PLPPR5: variants seen among roughly 807,000 people sequenced by gnomAD.
PLPPR5 encodes the protein phospholipid phosphatase-related protein type 5.
In PLPPR5, 16 loss-of-function variants were observed where a neutral mutation model predicts 33.9. The observed-to-expected ratio is 0.47, with a 90% CI of 0.32 to 0.72. The LOEUF (loss-of-function observed/expected upper bound fraction) is 0.72, where lower values mean the gene tolerates loss of function less well. Ranked by LOEUF, PLPPR5 falls within the 30% of genes least tolerant of loss-of-function variation. The pLI is 0.03. For missense variants in PLPPR5, 301 were observed against 406.7 expected (o/e 0.74, Z 2.23); for synonymous variants, 163 against 150.3 (o/e 1.08, Z -0.62).
intron 1 of PLPPR5, among the ~76,000 whole-genome samples, chr1:98,993,115 G>A (rs577498032): frequency 2.6e-5 from 4 of 152,166 alleles, no homozygotes; most frequent in Admixed American, 6.6e-5. Flanking sequence ...CTCTATATAC[G>A]TCAGCTACTT....
chr1:98,953,654 G>T, intron 2 of PLPPR5, among the ~76,000 whole-genome samples: 1 of 152,024 alleles, frequency 6.6e-6, no homozygotes, highest in Admixed American at 6.6e-5. Context: ...CCTTGAGAGG[G>T]TATAGTCTAT....
intron 5 of PLPPR5, among the ~76,000 whole-genome samples, chr1:98,894,491 G>A (rs763755430): frequency 6.6e-6 from 1 of 152,088 alleles, no homozygotes; most frequent in Non-Finnish European, 1.5e-5. Context: ...GATATAGAGT[G>A]TTTCAGCACA....
chr1:98,939,668 C>T (rs1570716028), intron 3 of PLPPR5, among the ~76,000 whole-genome samples: 1 of 151,914 alleles, frequency 6.6e-6, no homozygotes, highest in Non-Finnish European at 1.5e-5. Flanking sequence ...ACATCCCCAC[C>T]ACTGGCAGCC....
At chr1:98,958,770 G>A (rs1651118225) in intron 1 of PLPPR5, among the ~76,000 whole-genome samples, 1 of 152,060 alleles carries the variant, frequency 6.6e-6, no homozygotes, top group Admixed American at 6.5e-5. Flanking sequence ...TGCTTTCTGG[G>A]TTTTCAGATT....
chr1:98,907,463 G>A (rs1171718832), intron 5 of PLPPR5, among the ~76,000 whole-genome samples: 2 of 151,580 alleles, frequency 1.3e-5, no homozygotes, highest in African/African-American at 2.4e-5. Context: ...CAAAGTGCTG[G>A]GATTACAAGT....
At chr1:98,954,101 T>C (rs1650913273) in intron 2 of PLPPR5, among the ~76,000 whole-genome samples, 1 of 152,148 alleles carries the variant, frequency 6.6e-6, no homozygotes, top group Non-Finnish European at 1.5e-5. Context: ...TGTGTAGATA[T>C]TTTTTCCTCC....
chr1:98,924,207 A>C (rs528861546), intron 3 of PLPPR5, among the ~76,000 whole-genome samples: 26 of 152,354 alleles, frequency 1.7e-4, no homozygotes, highest in African/African-American at 6.3e-4. Flanking sequence ...TTCAATCTTC[A>C]AAACAATCAT....
In PLPPR5 at chr1:98,892,125, T is replaced by C. The variant is rs907957140; in HGVS notation, c.*947A>G. 6.6e-5 allele frequency: 10 copies of C among 152,250 alleles called. No homozygotes were observed. The highest frequency in any genetic ancestry group is 1.3e-4 in the Admixed American group (2 of 15,262). The allele number at this position is 152,250 out of a possible 1,614,324, so 9.4% of individuals were successfully genotyped here. A position where few individuals can be genotyped will look rare whatever the true frequency, so the allele number is the denominator to read the frequency against. ...AAGTAAAATACATTAACCATATTTC[T>C]AGCATTTATATAATTTAAATTATGT... On this transcript the variant is annotated 3_prime_UTR_variant, in exon 6 of 6. Transcript: ENST00000263177.
rs558875520 is a variant in PLPPR5 at position 98,942,007 on chromosome 1, T to C, written c.621+11063A>G. 9.7e-4 allele frequency among the ~76,000 whole-genome samples: 127 copies of C among 131,288 alleles called. 1 individual carries two copies. Among genetic ancestry groups the C allele is most frequent in the Middle Eastern group, 3.9e-3 (1 of 254 alleles). 86.1% of individuals were successfully genotyped at this position (131,288 alleles called of 152,430 possible). A position where few individuals can be genotyped will look rare whatever the true frequency, so the allele number is the denominator to read the frequency against. Reference sequence around the variant, plus strand: ...ATGTATACGTATATATATATATATATACACATATACGTATACATATATATA... The same window carrying C: ...ATGTATACGTATATATATATATATACACACATATACGTATACATATATATA... On this transcript the variant is annotated intron_variant, in intron 3 of 5. Transcript: ENST00000263177.
At chr1:98,933,193 TAA>T (rs879430958) in intron 3 of PLPPR5, among the ~76,000 whole-genome samples, 2,825 of 143,850 alleles carry the variant, frequency 0.02, 70 homozygotes, top group African/African-American at 0.063. Flanking sequence ...GAGGGCTTTT[TAA>T]AAAAAAAAAA....
At chr1:98,923,004 A>AC (rs1041695777) in intron 3 of PLPPR5, among the ~76,000 whole-genome samples, 2 of 151,772 alleles carry the variant, frequency 1.3e-5, no homozygotes, top group African/African-American at 2.4e-5. Flanking sequence ...AACAACAACA[A>AC]AAAAAAACCA....
chr1:98,898,759 A>C (rs948837702), intron 5 of PLPPR5, among the ~76,000 whole-genome samples: 1 of 152,152 alleles, frequency 6.6e-6, no homozygotes, highest in South Asian at 2.1e-4. Context: ...TTGGGGGACT[A>C]TTAACCTTTC....
In PLPPR5 at chr1:98,969,743, T is replaced by TCC. The variant is rs57874520; in HGVS notation, c.238-13003_238-13002insGG. Among the ~76,000 whole-genome samples the TCC allele has an allele frequency of 6.2e-3, 939 of 151,974 alleles. 15 individuals carry two copies. Among genetic ancestry groups the TCC allele is most frequent in the African/African-American group, 0.022 (908 of 41,486 alleles). On this transcript the variant is annotated intron_variant, in intron 1 of 5. Coordinates refer to ENST00000263177, the MANE Select transcript of PLPPR5 (RefSeq NM_001037317.2). Reference sequence around the variant, plus strand: ...CTCTTTTTCTCCTTCCTTCCTTCCTTTCTTTCTTTTTGCTAGTTCAGAAAA... The same window carrying TCC: ...CTCTTTTTCTCCTTCCTTCCTTCCTTCCTCTTTCTTTTTGCTAGTTCAGAAAA...
intron 4 of PLPPR5, among the ~76,000 whole-genome samples, chr1:98,920,450 T>A (rs1570698035): frequency 1.9e-5 from 2 of 104,068 alleles, no homozygotes; most frequent in African/African-American, 3.5e-5. Context: ...CTGTGGTGAG[T>A]CAATGCAAAA....
chr1:98,919,251 A>G (rs1649465152), intron 4 of PLPPR5, among the ~76,000 whole-genome samples: 1 of 152,198 alleles, frequency 6.6e-6, no homozygotes, highest in Non-Finnish European at 1.5e-5. Flanking sequence ...ATATTTTTAT[A>G]GTGGAAATTA....
At chr1:98,893,942 T>C (rs1191966550) in intron 5 of PLPPR5, among the ~76,000 whole-genome samples, 2 of 152,034 alleles carry the variant, frequency 1.3e-5, no homozygotes, top group African/African-American at 4.8e-5. Flanking sequence ...ATAAACAGAA[T>C]TTCATATGAT....
At chr1:98,939,237 A>G (rs1650288598) in intron 3 of PLPPR5, among the ~76,000 whole-genome samples, 1 of 152,020 alleles carries the variant, frequency 6.6e-6, no homozygotes, top group African/African-American at 2.4e-5. Flanking sequence ...AAATAAATCA[A>G]TAAAATAATG....
chr1:98,913,648 T>C (rs1649235529), intron 5 of PLPPR5, among the ~76,000 whole-genome samples: 1 of 152,216 alleles, frequency 6.6e-6, no homozygotes, highest in South Asian at 2.1e-4. Context: ...GAATTTTTAT[T>C]CCTTCATTGA....
At chr1:98,933,353 C>T (rs529337114) in intron 3 of PLPPR5, among the ~76,000 whole-genome samples, 24 of 151,862 alleles carry the variant, frequency 1.6e-4, no homozygotes, top group Admixed American at 3.3e-4. Flanking sequence ...CGTGGTGGCG[C>T]GTGCCTGTAG....
Sources: gnomAD v4.1 joint callset for allele counts (sites outside exome capture counted in the v4.1 genomes callset) on GRCh38, gnomAD v4.1.1 for gene constraint, MANE v1.5 for transcripts, NCBI Gene and HGNC (gene_info 2026-07-23, HGNC 2026-07-21) for gene names.